STXBP5L: variants seen among roughly 807,000 people sequenced by gnomAD.
STXBP5L encodes syntaxin binding protein 5L.
A neutral mutation model predicts 144.5 loss-of-function variants in STXBP5L; 65 were observed. That is an observed-to-expected ratio of 0.45 (90% confidence interval 0.37 to 0.55). The LOEUF (loss-of-function observed/expected upper bound fraction) is 0.55, where lower values mean the gene tolerates loss of function less well. STXBP5L is among the 20% of genes least tolerant of loss of function. The pLI is 0.00. For synonymous variants in STXBP5L, 505 were observed against 469.6 expected, an observed-to-expected ratio of 1.08 and a Z score of -0.97; for missense variants, 1,298 against 1,405.5, an observed-to-expected ratio of 0.92 and a Z score of 1.22.
chr3:121,143,901 G>T (rs1041838855), intron 7 of STXBP5L, among the ~76,000 whole-genome samples: 2 of 151,692 alleles, frequency 1.3e-5, no homozygotes, highest in African/African-American at 2.4e-5. Flanking sequence ...TAGAAGAAAA[G>T]CTTCATGACG....
At chr3:121,059,450 A>G (rs2041147598) in intron 5 of STXBP5L, among the ~76,000 whole-genome samples, 1 of 152,092 alleles carries the variant, frequency 6.6e-6, no homozygotes, top group African/African-American at 2.4e-5. Flanking sequence ...TGTCGTGGCT[A>G]TGTGGGTTCT....
At chr3:121,101,831 A>T (rs2043441899) in intron 5 of STXBP5L, among the ~76,000 whole-genome samples, 2 of 152,120 alleles carry the variant, frequency 1.3e-5, no homozygotes, top group African/African-American at 2.4e-5. Context: ...TACCTAGAAA[A>T]CCCTAAAGAC....
At chr3:120,928,028 T>A (rs963595907) in intron 2 of STXBP5L, among the ~76,000 whole-genome samples, 6 of 152,124 alleles carry the variant, frequency 3.9e-5, no homozygotes, top group African/African-American at 1.4e-4. Flanking sequence ...ATTTGGGAGT[T>A]GACAATTGAA....
chr3:121,050,331 A>G (rs1022966231), intron 5 of STXBP5L, among the ~76,000 whole-genome samples: 6 of 152,172 alleles, frequency 3.9e-5, no homozygotes, highest in African/African-American at 1.4e-4. Flanking sequence ...AATTCTGGTT[A>G]TTTTAGTTTA....
intron 3 of STXBP5L, among the ~76,000 whole-genome samples, chr3:121,019,594 G>T (rs1362263772): frequency 6.6e-6 from 1 of 152,142 alleles, no homozygotes; most frequent in East Asian, 1.9e-4. Flanking sequence ...CACATCACAG[G>T]ACTCTTTGCA....
chr3:121,073,146 GT>G (rs1486521570), intron 5 of STXBP5L, among the ~76,000 whole-genome samples: 1 of 152,174 alleles, frequency 6.6e-6, no homozygotes, highest in Non-Finnish European at 1.5e-5. Context: ...AGTCCGTTAA[GT>G]TTTTTTGGCT....
At chr3:121,218,403 T>C (rs1043315119) in intron 10 of STXBP5L, among the ~76,000 whole-genome samples, 1 of 147,906 alleles carries the variant, frequency 6.8e-6, no homozygotes, top group African/African-American at 2.5e-5. Context: ...TATTTAGTAG[T>C]TATTACTATA....
intron 19 of STXBP5L, among the ~76,000 whole-genome samples, chr3:121,294,058 A>G (rs1051434819): frequency 1.3e-5 from 2 of 152,232 alleles, no homozygotes; most frequent in Non-Finnish European, 2.9e-5. Flanking sequence ...TTATATTTTA[A>G]TTTAAGCAGG....
At chr3:121,122,637 G>A (rs994116338) in intron 7 of STXBP5L, among the ~76,000 whole-genome samples, 20 of 151,396 alleles carry the variant, frequency 1.3e-4, no homozygotes, top group African/African-American at 4.6e-4. Flanking sequence ...TTGAATAAAT[G>A]GTACTGGATA....
rs558878502 is a variant in STXBP5L, at chr3:121,156,166, A to G, written c.754-1338A>G. 3.3e-5 allele frequency among the ~76,000 whole-genome samples: 5 copies of G among 152,148 alleles called. No homozygotes were observed. In the East Asian group the frequency reaches 9.6e-4, roughly 29 times the overall value. The stretch of plus-strand genomic sequence containing the variant: ...AGAGAAAACACAAGTCCAGGATTTC[A>G]TGTTGCTTTTTCCACTTAATCAAAT... On this transcript the variant is annotated intron_variant, in intron 8 of 26. Transcript: ENST00000471454.
chr3:121,002,041 C>A (rs968807325), intron 3 of STXBP5L, among the ~76,000 whole-genome samples: 1 of 152,120 alleles, frequency 6.6e-6, no homozygotes, highest in Non-Finnish European at 1.5e-5. Context: ...ATATCTATGA[C>A]ATACTGATTT....
chr3:120,981,857 G>C (rs1413356914), intron 3 of STXBP5L, among the ~76,000 whole-genome samples: 1 of 152,114 alleles, frequency 6.6e-6, no homozygotes, highest in Non-Finnish European at 1.5e-5. Context: ...TTTCCTCCTT[G>C]AAGGTATGAT....
At chr3:121,313,253 G>C (rs2043617599) in intron 19 of STXBP5L, among the ~76,000 whole-genome samples, 1 of 145,754 alleles carries the variant, frequency 6.9e-6, no homozygotes, top group Admixed American at 6.7e-5. Flanking sequence ...GGGGCGGCTG[G>C]CCGGGCAGAG....
intron 20 of STXBP5L, among the ~76,000 whole-genome samples, chr3:121,355,344 T>G (rs2045467394): frequency 2.0e-5 from 3 of 152,204 alleles, no homozygotes; most frequent in African/African-American, 7.2e-5. Context: ...AGATTTAGTC[T>G]TTTCATATAG....
intron 6 of STXBP5L, among the ~76,000 whole-genome samples, chr3:121,117,213 TA>T (rs2044268580): frequency 7.6e-6 from 1 of 132,390 alleles, no homozygotes; most frequent in Non-Finnish European, 1.7e-5. Context: ...AAGGCATTTT[TA>T]TTTTTCATAA....
chr3:120,977,399 A>G (rs1292515838), intron 3 of STXBP5L, among the ~76,000 whole-genome samples: 1 of 152,054 alleles, frequency 6.6e-6, no homozygotes, highest in Non-Finnish European at 1.5e-5. Context: ...ATTTGCTTGT[A>G]GATCTTCCTT....
In STXBP5L at chr3:121,053,368, A is replaced by T. The variant is rs565362944; in HGVS notation, c.470+7833A>T. On this transcript the variant is annotated intron_variant, in intron 5 of 26. Coordinates refer to ENST00000471454, the MANE Select transcript of STXBP5L (RefSeq NM_001308330.2). Reference sequence around the variant, plus strand: ...ACTACAAGGCTACAGTAACCAAAACAGCATGGTACTGGTACCAAAACAGAG... The same window carrying T: ...ACTACAAGGCTACAGTAACCAAAACTGCATGGTACTGGTACCAAAACAGAG... Among the ~76,000 whole-genome samples, 6 of 152,342 alleles carry T rather than the reference A, an allele frequency of 3.9e-5. No individual in the cohort carries two copies. The South Asian group carries it at 8.3e-4, about 21-fold the overall frequency.
chr3:121,314,220 C>T (rs373889543), intron 19 of STXBP5L, among the ~76,000 whole-genome samples: 15,520 of 133,292 alleles, frequency 0.12, 81 homozygotes, highest in Non-Finnish European at 0.16. Context: ...GCTGCAATCT[C>T]GGCTCTTTGG....
intron 10 of STXBP5L, among the ~76,000 whole-genome samples, chr3:121,216,369 T>G (rs1339236347): frequency 6.6e-6 from 1 of 152,188 alleles, no homozygotes; most frequent in Non-Finnish European, 1.5e-5. Context: ...GGTTTTTGTG[T>G]GGATGTCCTT....
Sources: gnomAD v4.1 joint callset for allele counts (sites outside exome capture counted in the v4.1 genomes callset) on GRCh38, gnomAD v4.1.1 for gene constraint, MANE v1.5 for transcripts, NCBI Gene and HGNC (gene_info 2026-07-23, HGNC 2026-07-21) for gene names.